The following FRAS1 variants were observed in gnomAD, a reference collection of about 807,000 sequenced individuals.
FRAS1 encodes the protein extracellular matrix organizing protein FRAS1.
Under a neutral mutation model 435.2 loss-of-function variants are expected in FRAS1, and 290 were observed. The ratio of observed to expected loss-of-function variants is 0.67; its 90% CI spans 0.61 to 0.73. The LOEUF is 0.73. FRAS1 is among the 30% of genes least tolerant of loss of function. FRAS1 has a pLI of 0.00. For synonymous variants in FRAS1, 1,800 were observed against 1,851.0 expected (o/e 0.97, Z 0.71); for missense variants, 4,860 against 5,001.5 (o/e 0.97, Z 0.85).
chr4:78,456,679 G>A (rs1719211988), intron 47 of FRAS1, among the ~76,000 whole-genome samples: 1 of 152,194 alleles, frequency 6.6e-6, no homozygotes, highest in Non-Finnish European at 1.5e-5. Context: ...TGATTCAGAT[G>A]GGGTTGAAGG....
intron 20 of FRAS1, among the ~76,000 whole-genome samples, chr4:78,344,323 C>T (rs1730514641): frequency 3.3e-5 from 5 of 152,034 alleles, no homozygotes; most frequent in African/African-American, 9.7e-5. Flanking sequence ...TACCATTTAA[C>T]ATTCGCAATG....
chr4:78,537,690 C>A (rs1269643769), intron 72 of FRAS1, among the ~76,000 whole-genome samples: 1 of 152,144 alleles, frequency 6.6e-6, no homozygotes, highest in Non-Finnish European at 1.5e-5. Context: ...TGCCTGTAAT[C>A]CCAACATTTT....
intron 2 of FRAS1, among the ~76,000 whole-genome samples, chr4:78,144,948 T>A (rs939088543): frequency 3.9e-5 from 6 of 152,206 alleles, no homozygotes; most frequent in Non-Finnish European, 7.4e-5. Flanking sequence ...AATTTTTGTG[T>A]AAATCACTGA....
intron 2 of FRAS1, among the ~76,000 whole-genome samples, chr4:78,209,602 C>A (rs1723418243): frequency 1.3e-5 from 2 of 152,062 alleles, no homozygotes; most frequent in Admixed American, 1.3e-4. Context: ...TAGTCTATAT[C>A]TTATACTTTC....
At chr4:78,532,970 G>C (rs13144877) in intron 70 of FRAS1, among the ~76,000 whole-genome samples, 76,281 of 152,214 alleles carry the variant, frequency 0.5, 19,694 homozygotes, top group Non-Finnish European at 0.57. Flanking sequence ...CTACAAGATG[G>C]TGATTTCCCC....
intron 2 of FRAS1, among the ~76,000 whole-genome samples, chr4:78,099,659 G>C (rs1263946171): frequency 6.6e-6 from 1 of 152,144 alleles, no homozygotes; most frequent in Non-Finnish European, 1.5e-5. Context: ...TTTGCACCAG[G>C]TCACATACAG....
intron 30 of FRAS1, among the ~76,000 whole-genome samples, chr4:78,406,988 A>C (rs774927540): frequency 6.6e-6 from 1 of 152,252 alleles, no homozygotes; most frequent in Non-Finnish European, 1.5e-5. Flanking sequence ...TGTTTCATGC[A>C]CAAAATTTAT....
At chr4:78,258,840 A>G (rs1189077711) in intron 6 of FRAS1, among the ~76,000 whole-genome samples, 14 of 114,048 alleles carry the variant, frequency 1.2e-4, no homozygotes, top group African/African-American at 3.6e-4. Context: ...ATATCTCCCA[A>G]TGCTATCCCT....
chr4:78,095,439 G>A (rs527419330), intron 2 of FRAS1, among the ~76,000 whole-genome samples: 5 of 152,288 alleles, frequency 3.3e-5, no homozygotes, highest in Middle Eastern at 3.4e-3. Context: ...TTCTGGTCAC[G>A]GGAGCAGAGG....
rs1020600469 is a variant in FRAS1 at position 78,144,262 on chromosome 4, C to T, written c.108+78246C>T. 5.3e-5 allele frequency among the ~76,000 whole-genome samples: 8 copies of T among 151,670 alleles called. No homozygotes were observed. The South Asian group carries it at 8.4e-4, about 16-fold the overall frequency. On this transcript the variant is annotated intron_variant, in intron 2 of 73. Transcript: ENST00000512123. The stretch of plus-strand genomic sequence containing the variant: ...GGAATATATATTGATTGAATAAAAA[C>T]ATAATACAGAGCATCAATGTCAAAA...
At position 78,541,171 on chromosome 4, in the gene FRAS1, T is replaced by TG. The variant is rs1197079366; in HGVS notation, c.*53dup. On this transcript the variant is annotated 3_prime_UTR_variant, in exon 74 of 74. Transcript: ENST00000512123. The stretch of plus-strand genomic sequence containing the variant: ...TTTTTCTAAAATCATTTTTATAAAA[T>TG]GGGGGGAAATACTGGTATTTTTATA... 2 of 1,099,318 alleles carry TG rather than the reference T, an allele frequency of 1.8e-6. No individual in the cohort carries two copies. The highest frequency in any genetic ancestry group is 3.5e-5 in the South Asian group (1 of 28,612). 68.1% of individuals were successfully genotyped at this position (1,099,318 alleles called of 1,614,324 possible). A position where few individuals can be genotyped will look rare whatever the true frequency, so the allele number is the denominator to read the frequency against.
At chr4:78,376,392 G>C (rs1489649077) in intron 26 of FRAS1, among the ~76,000 whole-genome samples, 1 of 152,104 alleles carries the variant, frequency 6.6e-6, no homozygotes, top group Non-Finnish European at 1.5e-5. Context: ...TAACACAATA[G>C]TAAGTATTTG....
intron 2 of FRAS1, among the ~76,000 whole-genome samples, chr4:78,219,661 T>TGTTCC (rs1369773885): frequency 2.0e-5 from 3 of 152,212 alleles, no homozygotes; most frequent in Non-Finnish European, 4.4e-5. Flanking sequence ...TAATAAACTT[T>TGTTCC]GTTGAGAAGG....
chr4:78,370,186 A>G (rs1395330569), intron 23 of FRAS1, among the ~76,000 whole-genome samples: 3 of 152,152 alleles, frequency 2.0e-5, no homozygotes, highest in East Asian at 1.9e-4. Context: ...TTGAGCACCT[A>G]TTTGTGTCAG....
chr4:78,503,546 G>A (rs1720742419), intron 61 of FRAS1, among the ~76,000 whole-genome samples: 1 of 152,146 alleles, frequency 6.6e-6, no homozygotes, highest in Non-Finnish European at 1.5e-5. Flanking sequence ...ATTTCTGTGG[G>A]ATCGGTGGTG....
rs767981422 is a variant in FRAS1 at position 78,537,141 on chromosome 4, G to A, written c.11239G>A (p.Gly3747Arg). ...TCCCACGGGGACAATCTACAATGAA[G>A]GGCCCCAGTATGGATGCATTCAGCC... Reference protein sequence around the residue: ...FDPTGTIYNEGPQYGCIQPNK... With the variant: ...FDPTGTIYNERPQYGCIQPNK... Residue 3747 changes from glycine to arginine, a missense_variant, in exon 72 of 74, where the codon GGG (glycine) becomes AGG (arginine). Physicochemically the swap from Gly to Arg is moderately radical, Grantham distance 125 (BLOSUM62 -2). Transcript: ENST00000512123. The A allele has an allele frequency of 8.1e-6, 13 of 1,613,962 alleles. No homozygotes were observed. The highest frequency in any genetic ancestry group is 2.2e-5 in the East Asian group (1 of 44,882).
chr4:78,508,942 A>G lies in FRAS1; in HGVS notation c.9716A>G (p.Asn3239Ser), dbSNP rs749828902. The change falls in exon 63 of 74, where the codon AAT becomes AGT. Residue 3239 changes from asparagine (N) to serine (S), a missense_variant. Asn to Ser is a conservative substitution (Grantham distance 46, BLOSUM62 1). Transcript: ENST00000512123. The stretch of plus-strand genomic sequence containing the variant: ...GAAGTGGCTGCCCCCACTGATGGCA[A>G]TGGGGCCCGGTCTCCCTTTGAAACC... ...SWEVAAPTDG[N>S]GARSPFETIT... 3.3e-5 allele frequency: 53 copies of G among 1,613,824 alleles called. No individual in the cohort carries two copies. Among genetic ancestry groups the G allele is most frequent in the Admixed American group, 5.0e-5 (3 of 59,998 alleles).
intron 59 of FRAS1, among the ~76,000 whole-genome samples, chr4:78,491,992 A>T (rs759132592): frequency 1.3e-5 from 2 of 152,216 alleles, no homozygotes; most frequent in Non-Finnish European, 2.9e-5. Flanking sequence ...AATCACAAGC[A>T]TTCCTATACA....
chr4:78,301,532 A>G (rs796560269), intron 14 of FRAS1, among the ~76,000 whole-genome samples: 3 of 152,284 alleles, frequency 2.0e-5, no homozygotes, highest in African/African-American at 7.2e-5. Context: ...AGAGATAAAA[A>G]GGCAAAGAAC....
Sources: gnomAD v4.1 joint callset for allele counts (sites outside exome capture counted in the v4.1 genomes callset) on GRCh38, gnomAD v4.1.1 for gene constraint, MANE v1.5 for transcripts, NCBI Gene and HGNC (gene_info 2026-07-23, HGNC 2026-07-21) for gene names.